Variants in COL23A1 observed in about 807,000 individuals in gnomAD.
COL23A1 encodes the protein collagen alpha-1(XXIII) chain.
COL23A1 carries 97 observed loss-of-function variants against 99.3 expected under a neutral mutation model. The ratio of observed to expected loss-of-function variants is 0.98; its 90% CI spans 0.83 to 1.16. The LOEUF (loss-of-function observed/expected upper bound fraction) is 1.16, where lower values mean the gene tolerates loss of function less well. Ranked by LOEUF, COL23A1 falls within the 50% of genes most tolerant of loss-of-function variation. The probability of loss-of-function intolerance (pLI) is 0.00; values close to 1 mark genes in which losing one functional copy is unlikely to be tolerated. For synonymous variants in COL23A1, 320 were observed against 308.2 expected (o/e 1.04, Z -0.40); for missense variants, 762 against 757.4 (o/e 1.01, Z -0.07).
intron 5 of COL23A1, among the ~76,000 whole-genome samples, chr5:178,275,071 G>A (rs574141997): frequency 1.1e-4 from 17 of 152,340 alleles, no homozygotes; most frequent in African/African-American, 4.1e-4. Context: ...CCCCGGATGG[G>A]CAGCCCTCCC....
chr5:178,410,839 C>A (rs1018379156), intron 2 of COL23A1, among the ~76,000 whole-genome samples: 3 of 152,174 alleles, frequency 2.0e-5, no homozygotes, highest in African/African-American at 7.2e-5. Flanking sequence ...CTACACCATA[C>A]AGAATGCAAG....
intron 3 of COL23A1, among the ~76,000 whole-genome samples, chr5:178,302,298 ACGGCTT>A (rs1172966930): frequency 0.027 from 4,067 of 149,454 alleles, 467 homozygotes; most frequent in Middle Eastern, 0.05. Context: ...GCGCCGGAGC[ACGGCTT>A]CAATCCACCT....
At chr5:178,305,112 G>A (rs913743305) in intron 3 of COL23A1, among the ~76,000 whole-genome samples, 3 of 152,122 alleles carry the variant, frequency 2.0e-5, no homozygotes, top group Admixed American at 6.5e-5. Flanking sequence ...TAGAAAATAA[G>A]AGCTGAGTAA....
intron 2 of COL23A1, among the ~76,000 whole-genome samples, chr5:178,314,229 C>A (rs1223492071): frequency 1.2e-4 from 3 of 25,180 alleles, no homozygotes; most frequent in African/African-American, 2.1e-4. Flanking sequence ...CTGCTTACGT[C>A]CCCCCCAGAG....
chr5:178,342,896 A>T (rs1372176737), intron 2 of COL23A1, among the ~76,000 whole-genome samples: 1 of 152,236 alleles, frequency 6.6e-6, no homozygotes, highest in Non-Finnish European at 1.5e-5. Context: ...AGAGATAGAG[A>T]GATGCCTAAA....
At chr5:178,433,421 G>A (rs547698540) in intron 2 of COL23A1, among the ~76,000 whole-genome samples, 13 of 152,294 alleles carry the variant, frequency 8.5e-5, no homozygotes, top group African/African-American at 2.6e-4. Flanking sequence ...GTTGGGGTGG[G>A]GTCGCCACCC....
At chr5:178,556,834 T>C (rs1156526669) in intron 2 of COL23A1, among the ~76,000 whole-genome samples, 3 of 151,200 alleles carry the variant, frequency 2.0e-5, no homozygotes, top group Non-Finnish European at 4.4e-5. Context: ...GAGCCTGTAA[T>C]CTCAGCTACT....
intron 2 of COL23A1, chr5:178,344,837 T>C (rs192571836): frequency 1.9e-4 from 143 of 734,308 alleles, no homozygotes; most frequent in African/African-American, 1.2e-3. Context: ...ATGGATCTCA[T>C]TGAAGATGGC....
chr5:178,378,661 T>C (rs1763210977), intron 2 of COL23A1, among the ~76,000 whole-genome samples: 1 of 152,054 alleles, frequency 6.6e-6, no homozygotes, highest in Non-Finnish European at 1.5e-5. Context: ...GGCCGGGCAG[T>C]TTGCAGGATA....
intron 2 of COL23A1, among the ~76,000 whole-genome samples, chr5:178,539,660 T>G (rs1479416072): frequency 6.6e-6 from 1 of 151,910 alleles, no homozygotes; most frequent in African/African-American, 2.4e-5. Context: ...AAGAAAATTC[T>G]AGGCCTGGAT....
Position 178,484,796 on chromosome 5 carries a change from T to C in COL23A1, c.361+75886A>G, listed in dbSNP as rs557297287. Among the ~76,000 whole-genome samples the C allele has an allele frequency of 3.1e-4, 37 of 118,308 alleles. No individual in the cohort carries two copies. In the South Asian group the frequency reaches 9.9e-3, roughly 32 times the overall value. The allele number at this position is 118,308 out of a possible 152,430, so 77.6% of individuals were successfully genotyped here. On this transcript the variant is annotated intron_variant, in intron 2 of 28. Coordinates refer to ENST00000390654, the MANE Select transcript of COL23A1 (RefSeq NM_173465.4). ...GAGATCGCGCCACTGTACTCCAGCC[T>C]GGGTGAAAGAGCAAGACTCTGTCTC...
At chr5:178,554,834 TA>T (rs70997613) in intron 2 of COL23A1, among the ~76,000 whole-genome samples, 10,005 of 147,630 alleles carry the variant, frequency 0.068, 398 homozygotes, top group South Asian at 0.12. Context: ...TTCTGGGACG[TA>T]AAAAAAAAAA....
At chr5:178,441,902 G>A (rs1766889245) in intron 2 of COL23A1, among the ~76,000 whole-genome samples, 1 of 152,108 alleles carries the variant, frequency 6.6e-6, no homozygotes, top group Admixed American at 6.5e-5. Context: ...AGGAGGACTG[G>A]GGTTTTGTGG....
At chr5:178,585,484 C>T (rs1763906347) in intron 1 of COL23A1, among the ~76,000 whole-genome samples, 1 of 149,810 alleles carries the variant, frequency 6.7e-6, no homozygotes, top group Admixed American at 6.7e-5. Flanking sequence ...TAACACTCCA[C>T]AGCCCTGGAT....
chr5:178,399,208 C>T (rs1764305994), intron 2 of COL23A1, among the ~76,000 whole-genome samples: 1 of 152,230 alleles, frequency 6.6e-6, no homozygotes, highest in African/African-American at 2.4e-5. Context: ...TCAGCAGCCC[C>T]AGGACCTGCC....
At chr5:178,562,886 C>T (rs2113592147) in intron 1 of COL23A1, among the ~76,000 whole-genome samples, 1 of 152,272 alleles carries the variant, frequency 6.6e-6, no homozygotes, top group Non-Finnish European at 1.5e-5. Flanking sequence ...CTGTTTGGTG[C>T]ATTTTTACAG....
intron 2 of COL23A1, among the ~76,000 whole-genome samples, chr5:178,558,872 T>A (rs927877644): frequency 2.6e-5 from 4 of 151,680 alleles, no homozygotes; most frequent in African/African-American, 7.3e-5. Context: ...CACTGCAACC[T>A]CCACCTCCCA....
rs146062048 is a variant in COL23A1 at position 178,365,423 on chromosome 5, C to T, written c.362-58504G>A. The stretch of plus-strand genomic sequence containing the variant: ...TGGCCTCCTCCCTCCCGGACACTCA[C>T]GCATTTCAGGTCTGACGGGTACCCG... On this transcript the variant is annotated intron_variant, in intron 2 of 28. Transcript: ENST00000390654. This position sits in a 1 kb window ranked among gnomAD's most constrained non-coding sequence, Gnocchi z 5.2. 9.7e-4 allele frequency among the ~76,000 whole-genome samples: 148 copies of T among 152,190 alleles called. No individual in the cohort carries two copies. The highest frequency in any genetic ancestry group is 3.3e-3 in the African/African-American group (138 of 41,544).
At chr5:178,580,914 C>T (rs942447856) in intron 1 of COL23A1, among the ~76,000 whole-genome samples, 4 of 151,974 alleles carry the variant, frequency 2.6e-5, no homozygotes, top group African/African-American at 7.3e-5. Context: ...GAGGCTGAGG[C>T]GGAAGGATCA....
Sources: allele counts gnomAD v4.1 joint callset (sites outside exome capture counted in the v4.1 genomes callset), GRCh38; gene constraint gnomAD v4.1.1; non-coding constraint Gnocchi (gnomAD v3.1); transcripts MANE v1.5; gene names NCBI Gene and HGNC (gene_info 2026-07-23, HGNC 2026-07-21).